Variants in ERMP1 observed in about 807,000 individuals in gnomAD.
The protein encoded by ERMP1 is endoplasmic reticulum metallopeptidase 1.
In ERMP1, 86 loss-of-function variants were observed where a neutral mutation model predicts 92.0. The observed-to-expected ratio is 0.93, with a 90% CI of 0.79 to 1.12. ERMP1 has a LOEUF of 1.12. Among genes scored for constraint, ERMP1 ranks in the 50% most tolerant of loss-of-function variants. The pLI is 0.00. For missense variants in ERMP1, 1,342 were observed against 1,116.3 expected (o/e 1.20, Z -2.88); for synonymous variants, 530 against 412.8 (o/e 1.28, Z -3.44).
intron 4 of ERMP1, among the ~76,000 whole-genome samples, chr9:5,821,131 T>C (rs140575511): frequency 6.6e-6 from 1 of 152,246 alleles, no homozygotes; most frequent in South Asian, 2.1e-4. Context: ...AACATTTAAA[T>C]TTTATGTTTA....
chr9:5,809,852 A>G (rs936270518), intron 8 of ERMP1, among the ~76,000 whole-genome samples, 159 bp downstream of exon 8: 1 of 152,222 alleles, frequency 6.6e-6, no homozygotes, highest in Non-Finnish European at 1.5e-5. Flanking sequence ...TCAGAATAAG[A>G]AATCTTTCAG....
At chr9:5,847,032 C>G (rs752402251) in intron 6 of ERMP1, among the ~76,000 whole-genome samples, 1 of 152,208 alleles carries the variant, frequency 6.6e-6, no homozygotes, top group Non-Finnish European at 1.5e-5. Flanking sequence ...TGCATCCTCT[C>G]AGCACCAATG....
chr9:5,804,745 A>T (rs900629348), intron 10 of ERMP1, among the ~76,000 whole-genome samples: 9 of 152,112 alleles, frequency 5.9e-5, no homozygotes, highest in African/African-American at 2.2e-4. Context: ...TAAACGCTCT[A>T]CAAATTCACA....
chr9:5,858,209 G>A (rs1054762276), intron 6 of ERMP1, among the ~76,000 whole-genome samples: 3 of 152,228 alleles, frequency 2.0e-5, no homozygotes, highest in Non-Finnish European at 4.4e-5. Flanking sequence ...GAAGGGCTCT[G>A]AGTCAGTGCC....
intron 1 of ERMP1, 136 bp downstream of exon 1, chr9:5,832,554 C>A: frequency 1.5e-6 from 1 of 650,584 alleles, no homozygotes; most frequent in Non-Finnish European, 2.4e-6. Flanking sequence ...GTCACCCCAC[C>A]CCACGTGCAG....
At chr9:5,832,432 G>A (rs958355142) in intron 1 of ERMP1, 9 of 443,156 alleles carry the variant, frequency 2.0e-5, no homozygotes, top group Admixed American at 4.4e-5. Context: ...AGGGCAGACA[G>A]TGGAAAGCAG....
chr9:5,855,679 A>ACCATTTAAGCTAGAAAGATG (rs1427534252), intron 6 of ERMP1: 1 of 153,248 alleles, frequency 6.5e-6, no homozygotes, highest in African/African-American at 2.4e-5. Flanking sequence ...CTAAGAGTTC[A>ACCATTTAAGCTAGAAAGATG]CCATTTAAGC....
intron 5 of ERMP1, among the ~76,000 whole-genome samples, chr9:5,863,676 T>C (rs558478050): frequency 6.6e-6 from 1 of 152,314 alleles, no homozygotes; most frequent in South Asian, 2.1e-4. Flanking sequence ...CTTGGGAAGC[T>C]GGGTGGAGCT....
intron 1 of ERMP1, among the ~76,000 whole-genome samples, chr9:5,831,337 G>A (rs1460268078): frequency 6.6e-6 from 1 of 152,206 alleles, no homozygotes; most frequent in Admixed American, 6.5e-5. Context: ...CAGGCACGGT[G>A]GCTCACGCCT....
At chr9:5,823,664 T>C (rs1028434834) in intron 4 of ERMP1, among the ~76,000 whole-genome samples, 1 of 152,014 alleles carries the variant, frequency 6.6e-6, no homozygotes, top group Non-Finnish European at 1.5e-5. Flanking sequence ...TGACTTAATA[T>C]ATATGAAATG....
intron 5 of ERMP1, among the ~76,000 whole-genome samples, chr9:5,865,301 TAGAGA>T (rs1830619141): frequency 6.7e-6 from 1 of 148,378 alleles, no homozygotes; most frequent in Admixed American, 6.7e-5. Flanking sequence ...GGTCAGGAGA[TAGAGA>T]CCATCCTGGA....
chr9:5,806,694 C>A (rs564898169), intron 8 of ERMP1, among the ~76,000 whole-genome samples: 1 of 152,260 alleles, frequency 6.6e-6, no homozygotes, highest in Non-Finnish European at 1.5e-5. Context: ...CCCACCTCAG[C>A]CTCCCAAAGC....
At chr9:5,791,732 G>C (rs1046931945) in intron 13 of ERMP1, among the ~76,000 whole-genome samples, 1 of 152,134 alleles carries the variant, frequency 6.6e-6, no homozygotes, top group African/African-American at 2.4e-5. Flanking sequence ...CAAGTAGAAT[G>C]CTTTAAAAGA....
At chr9:5,798,611 T>C (rs999919824) in intron 12 of ERMP1, among the ~76,000 whole-genome samples, 195 bp downstream of exon 12, 2 of 151,700 alleles carry the variant, frequency 1.3e-5, no homozygotes, top group African/African-American at 4.8e-5. Flanking sequence ...TTTTTAAAAT[T>C]TGAAAAAACA....
At position 5,811,306 on chromosome 9, in the gene ERMP1, C is replaced by A. The variant is rs1170155121; in HGVS notation, c.1132G>T (p.Val378Phe). The A allele has an allele frequency of 3.7e-6, 6 of 1,610,392 alleles. No individual in the cohort carries two copies. The highest frequency in any genetic ancestry group is 5.1e-6 in the Non-Finnish European group (6 of 1,178,324). Residue 378 changes from valine to phenylalanine, a missense_variant, in exon 7 of 15, where the codon GTT becomes TTT. Physicochemically the swap from Val to Phe is conservative, Grantham distance 50. Transcript: ENST00000339450. The part of the protein sequence containing the change: ...IQRAGDNILA[V>F]LKHLATSDML... ...TCAGATGTAGCTAGATGCTTAAGAACTGCTAAAATGTTGTCACCTATTAGT... is the reference window on the plus strand; with the variant it reads ...TCAGATGTAGCTAGATGCTTAAGAAATGCTAAAATGTTGTCACCTATTAGT...
At chr9:5,839,857 G>A (rs1830139063) in intron 6 of ERMP1, among the ~76,000 whole-genome samples, 1 of 152,132 alleles carries the variant, frequency 6.6e-6, no homozygotes, top group African/African-American at 2.4e-5. Context: ...GTGGTCTGAG[G>A]ACCATGTAAT....
chr9:5,813,093 T>C, intron 4 of ERMP1, 58 bp from the exon 5 acceptor site: 1 of 1,582,344 alleles, frequency 6.3e-7, no homozygotes, highest in South Asian at 1.1e-5. Flanking sequence ...TTTAACATAC[T>C]AATGTTTTTC....
chr9:5,816,475 A>G (rs1829309810), intron 4 of ERMP1, among the ~76,000 whole-genome samples: 2 of 152,336 alleles, frequency 1.3e-5, no homozygotes, highest in Non-Finnish European at 2.9e-5. Context: ...GTTGGAAAGT[A>G]TTATCTTTTG....
intron 6 of ERMP1, among the ~76,000 whole-genome samples, chr9:5,850,645 A>G (rs1359234391): frequency 6.6e-6 from 1 of 152,158 alleles, no homozygotes; most frequent in Non-Finnish European, 1.5e-5. Flanking sequence ...AGAAAAACCC[A>G]AAAACAACAA....
Sources: allele counts gnomAD v4.1 joint callset (sites outside exome capture counted in the v4.1 genomes callset), GRCh38; gene constraint gnomAD v4.1.1; transcripts MANE v1.5; gene names NCBI Gene and HGNC (gene_info 2026-07-23, HGNC 2026-07-21).